HBS1L: variants seen among roughly 807,000 people sequenced by gnomAD.
The protein encoded by HBS1L is HBS1-like protein.
HBS1L carries 55 observed loss-of-function variants against 88.9 expected under a neutral mutation model. The observed-to-expected ratio is 0.62, with a 90% CI of 0.50 to 0.77. The LOEUF is 0.77. Ranked by LOEUF, HBS1L falls within the 30% of genes least tolerant of loss-of-function variation. The pLI is 0.00. For missense variants in HBS1L, 741 were observed against 829.3 expected, an observed-to-expected ratio of 0.89 and a Z score of 1.31; for synonymous variants, 267 against 288.5, an observed-to-expected ratio of 0.93 and a Z score of 0.76.
At chr6:135,054,580 G>T in intron 1 of HBS1L, 69 bp downstream of exon 1, 1 of 1,560,640 alleles carries the variant, frequency 6.4e-7, no homozygotes, top group Non-Finnish European at 8.8e-7. Flanking sequence ...AGATTGAAGT[G>T]GATGCCAACG....
chr6:135,042,203 A>T, intron 2 of HBS1L, 77 bp from the exon 3 acceptor site: 1 of 1,354,780 alleles, frequency 7.4e-7, no homozygotes, highest in Non-Finnish European at 9.9e-7. Flanking sequence ...GTTAAAGTAA[A>T]AATTAAAAAT....
Position 134,961,812 on chromosome 6 carries a change from A to T in HBS1L, c.*3467T>A, listed in dbSNP as rs1042917934. On this transcript the variant is annotated 3_prime_UTR_variant, in exon 18 of 18. Transcript: ENST00000367837. ...GCACCCATAGACCCCAGTGGTGTGC[A>T]GTCTCTCTTGCTGCAGCAAGCATCA... 7 of 152,298 alleles carry T rather than the reference A, an allele frequency of 4.6e-5. No individual in the cohort carries two copies. The highest frequency in any genetic ancestry group is 1.7e-4 in the African/African-American group (7 of 41,576). The allele number at this position is 152,298 out of a possible 1,614,324, so 9.4% of individuals were successfully genotyped here.
intron 4 of HBS1L, among the ~76,000 whole-genome samples, chr6:135,032,229 CAA>C (rs1337005537): frequency 2.0e-5 from 3 of 151,206 alleles, no homozygotes; most frequent in Admixed American, 1.3e-4. Flanking sequence ...TCAGAAATAT[CAA>C]GTTTATATAG....
At chr6:135,017,811 G>A (rs1189193249) in intron 4 of HBS1L, among the ~76,000 whole-genome samples, 1 of 151,856 alleles carries the variant, frequency 6.6e-6, no homozygotes, top group Non-Finnish European at 1.5e-5. Context: ...CTGACATTGT[G>A]AAAAGGTGAT....
In HBS1L at chr6:134,996,962, G is replaced by A. The variant is rs1223954430; in HGVS notation, c.800-20C>T. On this transcript the variant is annotated intron_variant, in intron 6 of 17. Transcript: ENST00000367837. ...CATGACCTAAAGAAAATTGATTCAG[G>A]ATTAATACCAGGTACATTTCCAGAT... 1.5e-5 allele frequency: 23 copies of A among 1,537,810 alleles called. No homozygotes were observed. The highest frequency in any genetic ancestry group is 5.6e-5 in the African/African-American group (4 of 72,014).
At position 134,993,957 on chromosome 6, in the gene HBS1L, T is replaced by C. The variant is rs995792011; in HGVS notation, c.966-82A>G. ...ATTAATAATAGTCTACATGACCATC[T>C]ACATTCTTAGGTAAAAATGGAAATT... On this transcript the variant is annotated intron_variant, in intron 7 of 17. Transcript: ENST00000367837. 5.7e-6 allele frequency: 3 copies of C among 522,544 alleles called. No homozygotes were observed. In the African/African-American group the frequency reaches 5.8e-5, roughly 10 times the overall value. 32.4% of individuals were successfully genotyped at this position (522,544 alleles called of 1,614,324 possible).
At chr6:135,049,266 G>A (rs1324079882) in intron 2 of HBS1L, among the ~76,000 whole-genome samples, 3 of 152,062 alleles carry the variant, frequency 2.0e-5, no homozygotes, top group Non-Finnish European at 4.4e-5. Context: ...ATGACAGAAG[G>A]GAAAGAGTTC....
chr6:135,026,141 CTG>C (rs1776220863), intron 4 of HBS1L, among the ~76,000 whole-genome samples: 1 of 152,088 alleles, frequency 6.6e-6, no homozygotes, highest in Non-Finnish European at 1.5e-5. Flanking sequence ...TTTTTAAAAA[CTG>C]TTTAATAAAT....
At chr6:134,987,115 T>G (rs1355832281) in intron 9 of HBS1L, among the ~76,000 whole-genome samples, 2 of 152,110 alleles carry the variant, frequency 1.3e-5, no homozygotes, top group African/African-American at 4.8e-5. Flanking sequence ...AGTAAATGTT[T>G]AATAAATTAC....
At chr6:134,977,584 T>C (rs1027755843) in intron 15 of HBS1L, among the ~76,000 whole-genome samples, 1 of 152,044 alleles carries the variant, frequency 6.6e-6, no homozygotes, top group Non-Finnish European at 1.5e-5. Context: ...TAATTTTACA[T>C]GATCAAATTA....
chr6:135,018,771 A>T (rs528987789), intron 4 of HBS1L, among the ~76,000 whole-genome samples: 37 of 152,074 alleles, frequency 2.4e-4, no homozygotes, highest in Middle Eastern at 6.8e-3. Context: ...CCTTCAAAAA[A>T]TAACAAGGAA....
rs376444369 is a variant in HBS1L at position 135,044,793 on chromosome 6, A to G, written c.110-2667T>C. On this transcript the variant is annotated intron_variant, in intron 2 of 17. Coordinates refer to ENST00000367837, the MANE Select transcript of HBS1L (RefSeq NM_006620.4). ...CAACTTCTCCTCCTACCCATGAACT[A>G]GGAGGGAGAAACCTAAGACAAATTA... Among the ~76,000 whole-genome samples the G allele has an allele frequency of 5.9e-3, 902 of 152,322 alleles. 9 individuals are homozygous for G. The highest frequency in any genetic ancestry group is 0.02 in the African/African-American group (840 of 41,576).
rs548783678 is a variant in HBS1L at position 135,027,605 on chromosome 6, G to C, written c.430+11968C>G. Among the ~76,000 whole-genome samples the C allele has an allele frequency of 3.9e-4, 60 of 152,148 alleles. 1 individual carries two copies. The South Asian group carries it at 5.4e-3, about 14-fold the overall frequency. Reference sequence around the variant, plus strand: ...ATGAATATCAACTTTAAAATATTAGGAAGGAACAAGCAAAGGATGAGGCTA... The same window carrying C: ...ATGAATATCAACTTTAAAATATTAGCAAGGAACAAGCAAAGGATGAGGCTA... On this transcript the variant is annotated intron_variant, in intron 4 of 17. Coordinates refer to ENST00000367837, the MANE Select transcript of HBS1L (RefSeq NM_006620.4).
At chr6:135,018,574 T>C (rs1217026874) in intron 4 of HBS1L, among the ~76,000 whole-genome samples, 1 of 152,014 alleles carries the variant, frequency 6.6e-6, no homozygotes, top group African/African-American at 2.4e-5. Flanking sequence ...TGCAATGAAT[T>C]TAAATTATCA....
Position 134,973,343 on chromosome 6 carries a change from C to A in HBS1L, c.1798-4005G>T, listed in dbSNP as rs563705212. ...TTTGCTAAGTGAAATAAGCCAGACA[C>A]AAAAGGACAAATATTGTATGATTCC... On this transcript the variant is annotated intron_variant, in intron 15 of 17. Coordinates refer to ENST00000367837, the MANE Select transcript of HBS1L (RefSeq NM_006620.4). Among the ~76,000 whole-genome samples the A allele has an allele frequency of 2.0e-5, 3 of 152,240 alleles. No individual in the cohort carries two copies. In the East Asian group the frequency reaches 5.8e-4, roughly 29 times the overall value.
At chr6:135,052,271 G>T (rs529473093) in intron 1 of HBS1L, among the ~76,000 whole-genome samples, 11 of 152,080 alleles carry the variant, frequency 7.2e-5, no homozygotes, top group Non-Finnish European at 1.0e-4. Context: ...TAAACAAGGG[G>T]CCATTCACAA....
At chr6:134,970,127 G>C (rs1774439887) in intron 15 of HBS1L, among the ~76,000 whole-genome samples, 3 of 152,026 alleles carry the variant, frequency 2.0e-5, no homozygotes, top group Non-Finnish European at 4.4e-5. Flanking sequence ...TGAACTTTGG[G>C]GCAAGTTATT....
At chr6:134,996,027 C>G (rs1775279290) in intron 7 of HBS1L, among the ~76,000 whole-genome samples, 1 of 152,108 alleles carries the variant, frequency 6.6e-6, no homozygotes, top group Non-Finnish European at 1.5e-5. Flanking sequence ...TCAGGGAACA[C>G]AGTTTAATCT....
chr6:134,977,809 GA>G (rs930701889), intron 15 of HBS1L, among the ~76,000 whole-genome samples: 1 of 151,284 alleles, frequency 6.6e-6, no homozygotes, highest in African/African-American at 2.4e-5. Flanking sequence ...GAGCTAATTA[GA>G]AAAAAAAGTC....
Sources: gnomAD v4.1 joint callset for allele counts (sites outside exome capture counted in the v4.1 genomes callset) on GRCh38, gnomAD v4.1.1 for gene constraint, MANE v1.5 for transcripts, NCBI Gene and HGNC (gene_info 2026-07-23, HGNC 2026-07-21) for gene names.